The following DOK6 variants were observed in gnomAD, a reference collection of about 807,000 sequenced individuals.
DOK6 encodes the protein downstream of tyrosine kinase 6.
In DOK6, 22 loss-of-function variants were observed where a neutral mutation model predicts 44.0. That is an observed-to-expected ratio of 0.50 (90% confidence interval 0.36 to 0.71). The LOEUF is 0.71. Among genes scored for constraint, DOK6 ranks in the 30% least tolerant of loss-of-function variants. The pLI, the probability that DOK6 is intolerant of heterozygous loss-of-function variation, is 0.00. For missense variants in DOK6, 340 were observed against 416.4 expected, an observed-to-expected ratio of 0.82 and a Z score of 1.60; for synonymous variants, 166 against 145.5, an observed-to-expected ratio of 1.14 and a Z score of -1.01.
intron 3 of DOK6, among the ~76,000 whole-genome samples, chr18:69,613,288 G>T (rs2144632859): frequency 6.6e-6 from 1 of 152,264 alleles, no homozygotes; most frequent in East Asian, 1.9e-4. Flanking sequence ...ATTGGTTATG[G>T]CAAACCAGGC....
intron 3 of DOK6, among the ~76,000 whole-genome samples, chr18:69,603,348 G>C (rs990382579): frequency 2.6e-5 from 4 of 152,120 alleles, no homozygotes; most frequent in Non-Finnish European, 5.9e-5. Context: ...AATTCAGCCG[G>C]CCTACCTTAC....
intron 2 of DOK6, among the ~76,000 whole-genome samples, chr18:69,576,944 T>C (rs1983252962): frequency 6.6e-6 from 1 of 152,108 alleles, no homozygotes; most frequent in South Asian, 2.1e-4. Flanking sequence ...TAAAATCCCT[T>C]AGAAGGATGA....
chr18:69,478,092 G>C (rs532644735), intron 1 of DOK6, among the ~76,000 whole-genome samples: 2 of 152,234 alleles, frequency 1.3e-5, no homozygotes, highest in East Asian at 3.9e-4. Context: ...TCATTGCATT[G>C]ATAAACTAAT....
At chr18:69,759,474 A>G (rs1462144757) in intron 7 of DOK6, among the ~76,000 whole-genome samples, 2 of 152,168 alleles carry the variant, frequency 1.3e-5, no homozygotes, top group African/African-American at 2.4e-5. Flanking sequence ...AATACAAAAA[A>G]CGTGGGAATA....
chr18:69,619,122 AG>A lies in DOK6; in HGVS notation c.289+19625del, dbSNP rs145726917. On this transcript the variant is annotated intron_variant, in intron 3 of 7. Transcript: ENST00000382713. ...TTCAAGAGGAGTAGACTGGAGAGAA[AG>A]CAAGTAAAGCCAAAGAGGAGTAAGT... is the stretch of plus-strand genomic sequence containing the variant. Among the ~76,000 whole-genome samples the A allele has an allele frequency of 1.9e-3, 296 of 152,330 alleles. 1 individual carries two copies. The highest frequency in any genetic ancestry group is 6.8e-3 in the African/African-American group (284 of 41,584).
At chr18:69,612,512 C>T (rs10084094) in intron 3 of DOK6, among the ~76,000 whole-genome samples, 62,800 of 109,704 alleles carry the variant, frequency 0.57, 15,188 homozygotes, top group Non-Finnish European at 0.65. Context: ...ATGAGCTGCT[C>T]GTCTGCCTAC....
chr18:69,575,898 G>A (rs900854322), intron 2 of DOK6, among the ~76,000 whole-genome samples: 5 of 152,072 alleles, frequency 3.3e-5, no homozygotes, highest in Non-Finnish European at 7.4e-5. Context: ...ATAGGGATCA[G>A]ATGGTGTTAT....
At position 69,429,616 on chromosome 18, in the gene DOK6, GATAC is replaced by G. The variant is rs1194885822; in HGVS notation, c.66+28310_66+28313del. 7.8e-3 allele frequency among the ~76,000 whole-genome samples: 611 copies of G among 78,082 alleles called. 5 individuals are homozygous for G. Among genetic ancestry groups the G allele is most frequent in the Non-Finnish European group, 0.012 (435 of 36,512 alleles). The allele number at this position is 78,082 out of a possible 152,430, so 51.2% of individuals were successfully genotyped here. On this transcript the variant is annotated intron_variant, in intron 1 of 7. Transcript: ENST00000382713. Reference sequence around the variant, plus strand: ...TTTTTCTATAAGGAAAATATTGAGGGATACATATATATATATATATATATATATA... The same window carrying G: ...TTTTTCTATAAGGAAAATATTGAGGGATATATATATATATATATATATATA...
At chr18:69,609,792 G>A (rs1326231446) in intron 3 of DOK6, among the ~76,000 whole-genome samples, 1 of 152,156 alleles carries the variant, frequency 6.6e-6, no homozygotes, top group Non-Finnish European at 1.5e-5. Flanking sequence ...ATCAGCTGAT[G>A]AATGGATTAA....
intron 1 of DOK6, among the ~76,000 whole-genome samples, chr18:69,550,767 T>C (rs998168): frequency 7.3e-6 from 1 of 137,700 alleles, no homozygotes; most frequent in Non-Finnish European, 1.5e-5. Context: ...TTTGTTGTTG[T>C]TGTTTCTTTC....
At position 69,841,217 on chromosome 18, in the gene DOK6, G is replaced by A. The variant is rs1467830873; in HGVS notation, c.857-27G>A. 5 of 1,613,972 alleles carry A rather than the reference G, an allele frequency of 3.1e-6. No individual in the cohort carries two copies. The East Asian group carries it at 1.1e-4, about 36-fold the overall frequency. ...TTTGTGCTTCTGAATCTGTTTCTCA[G>A]TAGAGCTCTCCTTTCTTCCTCTCTA... On this transcript the variant is annotated intron_variant, in intron 7 of 7. Transcript: ENST00000382713.
At chr18:69,674,967 T>G (rs1374638105) in intron 3 of DOK6, among the ~76,000 whole-genome samples, 1 of 152,146 alleles carries the variant, frequency 6.6e-6, no homozygotes, top group African/African-American at 2.4e-5. Flanking sequence ...TCTCTCTCTT[T>G]GAAATAGTTT....
At chr18:69,686,497 C>A (rs879668454) in intron 4 of DOK6, among the ~76,000 whole-genome samples, 6 of 151,934 alleles carry the variant, frequency 3.9e-5, no homozygotes, top group Non-Finnish European at 5.9e-5. Flanking sequence ...TGGATTAAGA[C>A]CTTAATAGCA....
intron 4 of DOK6, among the ~76,000 whole-genome samples, chr18:69,685,405 A>T (rs756432095): frequency 3.2e-4 from 48 of 152,314 alleles, no homozygotes; most frequent in Non-Finnish European, 6.0e-4. Context: ...CCTACTCTGC[A>T]CATTGAGGAT....
At chr18:69,783,168 T>TGTGGCC (rs1200726013) in intron 7 of DOK6, among the ~76,000 whole-genome samples, 2 of 152,232 alleles carry the variant, frequency 1.3e-5, no homozygotes, top group African/African-American at 2.4e-5. Context: ...CTACTGTGGC[T>TGTGGCC]GTGGCCAACC....
chr18:69,747,534 A>G (rs1012197918), intron 6 of DOK6, among the ~76,000 whole-genome samples: 4 of 152,108 alleles, frequency 2.6e-5, no homozygotes, highest in African/African-American at 9.7e-5. Context: ...GGTCTTCTCA[A>G]GGGATAAGGG....
At chr18:69,469,775 G>C (rs986852945) in intron 1 of DOK6, 1 of 237,672 alleles carries the variant, frequency 4.2e-6, no homozygotes, top group African/African-American at 2.3e-5. Flanking sequence ...GGTTGGACAG[G>C]AGCCAGAGGC....
chr18:69,581,503 T>C (rs2144610182), intron 2 of DOK6, among the ~76,000 whole-genome samples: 1 of 152,284 alleles, frequency 6.6e-6, no homozygotes, highest in East Asian at 1.9e-4. Flanking sequence ...AGCTTTCTAA[T>C]GGGAGGGAAT....
chr18:69,649,117 T>C (rs553530632), intron 3 of DOK6, among the ~76,000 whole-genome samples: 2 of 152,314 alleles, frequency 1.3e-5, no homozygotes, highest in East Asian at 3.9e-4. Flanking sequence ...GATATGTCCA[T>C]TCCCAAGAAC....
Sources: allele counts gnomAD v4.1 joint callset (sites outside exome capture counted in the v4.1 genomes callset), GRCh38; gene constraint gnomAD v4.1.1; transcripts MANE v1.5; gene names NCBI Gene and HGNC (gene_info 2026-07-23, HGNC 2026-07-21).